The following SNTG2 variants were observed in gnomAD, a reference collection of about 807,000 sequenced individuals.
The protein encoded by SNTG2 is syntrophin gamma 2.
SNTG2 carries 74 observed loss-of-function variants against 70.9 expected under a neutral mutation model. That is an observed-to-expected ratio of 1.04 (90% CI 0.86 to 1.27). The LOEUF is 1.27. Among genes scored for constraint, SNTG2 ranks in the 50% most tolerant of loss-of-function variants. SNTG2 has a pLI of 0.00. For missense variants in SNTG2, 717 were observed against 690.7 expected, an observed-to-expected ratio of 1.04 and a Z score of -0.43; for synonymous variants, 278 against 273.8, an observed-to-expected ratio of 1.02 and a Z score of -0.15.
chr2:1,176,010 T>A (rs1671450345), intron 8 of SNTG2, among the ~76,000 whole-genome samples: 4 of 152,322 alleles, frequency 2.6e-5, no homozygotes, highest in Admixed American at 1.3e-4. Context: ...GATCCTCATG[T>A]CAAGGAGTAA....
At chr2:1,309,241 C>T (rs1191198811) in intron 15 of SNTG2, among the ~76,000 whole-genome samples, 1 of 152,212 alleles carries the variant, frequency 6.6e-6, no homozygotes, top group Non-Finnish European at 1.5e-5. Context: ...AATCGGGCTG[C>T]ACCCCCTTTA....
chr2:1,104,762 C>T (rs1309695389), intron 4 of SNTG2, among the ~76,000 whole-genome samples: 1 of 152,214 alleles, frequency 6.6e-6, no homozygotes, highest in African/African-American at 2.4e-5. Flanking sequence ...ATAGGGCTTG[C>T]TCTTCTCACT....
At chr2:1,025,880 C>T (rs145981286) in intron 1 of SNTG2, among the ~76,000 whole-genome samples, 2 of 152,206 alleles carry the variant, frequency 1.3e-5, no homozygotes, top group Non-Finnish European at 2.9e-5. Flanking sequence ...TTCATTCATT[C>T]ATTCATTCAT....
chr2:963,235 T>C (rs1474789877), intron 1 of SNTG2, among the ~76,000 whole-genome samples: 4 of 152,118 alleles, frequency 2.6e-5, no homozygotes, highest in African/African-American at 7.2e-5. Flanking sequence ...ATAGGTACTT[T>C]TGAAAATGAA....
intron 6 of SNTG2, among the ~76,000 whole-genome samples, chr2:1,156,143 A>G (rs1170176944): frequency 6.6e-6 from 1 of 152,200 alleles, no homozygotes; most frequent in East Asian, 1.9e-4. Context: ...TGTTGCACTA[A>G]GGAAGGGTTT....
chr2:1,301,625 C>T (rs907379080), intron 14 of SNTG2, among the ~76,000 whole-genome samples: 4 of 152,028 alleles, frequency 2.6e-5, no homozygotes, highest in East Asian at 1.9e-4. Context: ...GGAGGAAAAA[C>T]GATTCAAATT....
chr2:1,177,876 A>G (rs966871700), intron 8 of SNTG2, among the ~76,000 whole-genome samples: 4 of 152,198 alleles, frequency 2.6e-5, no homozygotes, highest in African/African-American at 9.6e-5. Flanking sequence ...TTAATTTGTC[A>G]TAAAAGATTA....
Position 1,100,405 on chromosome 2 carries a change from A to G in SNTG2, c.325+1995A>G, listed in dbSNP as rs559036156. On this transcript the variant is annotated intron_variant, in intron 4 of 16. Transcript: ENST00000308624. ...GGTGATCTGCCTGCCTCCGCCTCCC[A>G]AAGTGCTGGGATTACAGGCGTGAGC... 2.9e-4 allele frequency among the ~76,000 whole-genome samples: 44 copies of G among 152,326 alleles called. No individual in the cohort carries two copies. The South Asian group carries it at 7.5e-3, about 26-fold the overall frequency.
chr2:1,306,926 C>T (rs1006693571), intron 14 of SNTG2, among the ~76,000 whole-genome samples: 15 of 151,628 alleles, frequency 9.9e-5, no homozygotes, highest in African/African-American at 3.4e-4. Flanking sequence ...GTGTGTAAGC[C>T]GCATGCTGTG....
chr2:1,280,086 A>G (rs977118481), intron 14 of SNTG2, among the ~76,000 whole-genome samples: 2 of 152,182 alleles, frequency 1.3e-5, no homozygotes, highest in African/African-American at 4.8e-5. Flanking sequence ...ATAAATTTTC[A>G]AAAAAATCTT....
intron 4 of SNTG2, among the ~76,000 whole-genome samples, chr2:1,134,232 T>C (rs1213379947): frequency 6.6e-6 from 1 of 152,086 alleles, no homozygotes; most frequent in African/African-American, 2.4e-5. Context: ...AGAACAAAGC[T>C]TCCACAGTGT....
intron 8 of SNTG2, among the ~76,000 whole-genome samples, chr2:1,185,386 C>T (rs1376965469): frequency 2.6e-5 from 4 of 152,172 alleles, no homozygotes; most frequent in African/African-American, 9.7e-5. Context: ...GTCAGCATCC[C>T]AGTAGAGACT....
chr2:1,316,226 C>A (rs1681271900), intron 15 of SNTG2, 39 bp from the exon 16 acceptor site: 1 of 1,010,498 alleles, frequency 9.9e-7, no homozygotes, highest in Non-Finnish European at 1.5e-6. Context: ...TAAATGAGCT[C>A]TTGTTTAGAA....
At chr2:1,210,808 T>A (rs1402678780) in intron 9 of SNTG2, 1 of 152,218 alleles carries the variant, frequency 6.6e-6, no homozygotes, top group Non-Finnish European at 1.5e-5. Context: ...CAAATACGAT[T>A]GTGTTACAGT....
At chr2:1,227,351 C>T (rs1675858021) in intron 9 of SNTG2, among the ~76,000 whole-genome samples, 1 of 152,248 alleles carries the variant, frequency 6.6e-6, no homozygotes, top group Non-Finnish European at 1.5e-5. Flanking sequence ...ACAGCCTGTC[C>T]AGCTGATGGC....
intron 14 of SNTG2, among the ~76,000 whole-genome samples, chr2:1,295,631 G>T (rs1017147105): frequency 1.3e-5 from 2 of 152,190 alleles, no homozygotes; most frequent in African/African-American, 4.8e-5. Flanking sequence ...AGAAGGCTGA[G>T]TCTCCCATGT....
At chr2:1,102,974 CTGAT>C (rs1395343633) in intron 4 of SNTG2, among the ~76,000 whole-genome samples, 1 of 152,216 alleles carries the variant, frequency 6.6e-6, no homozygotes, top group Non-Finnish European at 1.5e-5. Flanking sequence ...AGCCAAGACT[CTGAT>C]TGTACCGTTG....
intron 14 of SNTG2, among the ~76,000 whole-genome samples, chr2:1,291,472 C>T (rs1222402384): frequency 6.6e-6 from 1 of 152,028 alleles, no homozygotes; most frequent in Non-Finnish European, 1.5e-5. Flanking sequence ...AAGAATTTTA[C>T]AATTTTAGCT....
intron 8 of SNTG2, among the ~76,000 whole-genome samples, chr2:1,174,797 T>G (rs80053773): frequency 0.019 from 2,848 of 152,326 alleles, 44 homozygotes; most frequent in Middle Eastern, 0.061. Flanking sequence ...GTTTACTGTT[T>G]CTATTTGTAT....
Sources: gnomAD v4.1 joint callset for allele counts (sites outside exome capture counted in the v4.1 genomes callset) on GRCh38, gnomAD v4.1.1 for gene constraint, MANE v1.5 for transcripts, NCBI Gene and HGNC (gene_info 2026-07-23, HGNC 2026-07-21) for gene names.